The following VEGFC variants were observed in gnomAD, a reference collection of about 807,000 sequenced individuals.
VEGFC encodes vascular endothelial growth factor C.
Under a neutral mutation model 46.1 loss-of-function variants are expected in VEGFC, and 12 were observed. That is an observed-to-expected ratio of 0.26 (90% CI 0.17 to 0.42). The LOEUF (loss-of-function observed/expected upper bound fraction) is 0.42, where lower values mean the gene tolerates loss of function less well. VEGFC is among the 10% of genes least tolerant of loss of function. The pLI is 1.00. For synonymous variants in VEGFC, 232 were observed against 195.5 expected (o/e 1.19, Z -1.56); for missense variants, 488 against 529.4 (o/e 0.92, Z 0.77).
chr4:176,783,049 C>A (rs1024443475), intron 1 of VEGFC, among the ~76,000 whole-genome samples: 7 of 152,210 alleles, frequency 4.6e-5, no homozygotes, highest in Admixed American at 3.9e-4. Flanking sequence ...AGGGTAACCA[C>A]GCAAGTCACA....
chr4:176,687,976 A>T (rs1734076696), intron 4 of VEGFC, 49 bp from the exon 5 acceptor site: 33 of 1,048,880 alleles, frequency 3.1e-5, no homozygotes, highest in Middle Eastern at 2.1e-4. Flanking sequence ...TGGTACCTAG[A>T]AGGGACCATC....
At chr4:176,700,067 A>T (rs560570645) in intron 4 of VEGFC, among the ~76,000 whole-genome samples, 1 of 152,338 alleles carries the variant, frequency 6.6e-6, no homozygotes, top group Admixed American at 6.5e-5. Flanking sequence ...CATAGTTGTA[A>T]CAATTTTGCC....
At chr4:176,763,276 G>C (rs548969795) in intron 1 of VEGFC, among the ~76,000 whole-genome samples, 1 of 151,964 alleles carries the variant, frequency 6.6e-6, no homozygotes, top group African/African-American at 2.4e-5. Context: ...CAAAAAGCAC[G>C]CCATTTCTAT....
At chr4:176,765,926 G>A (rs1256917245) in intron 1 of VEGFC, among the ~76,000 whole-genome samples, 1 of 151,784 alleles carries the variant, frequency 6.6e-6, no homozygotes, top group African/African-American at 2.4e-5. Context: ...GATTGATAGT[G>A]GATGTAATAA....
rs1369730008 is a variant in VEGFC, at chr4:176,792,597, A to T, written c.-286T>A. On this transcript the variant is annotated 5_prime_UTR_variant, in exon 1 of 7. Transcript: ENST00000618562. This position sits in a 1 kb window ranked among gnomAD's most constrained non-coding sequence, Gnocchi z 6.3. ...CCCGCATTCGGAGCCCGCGAGGTGAAGCGAGGGCGAGGGAGGACGCCGCCG... is the reference window on the plus strand; with the variant it reads ...CCCGCATTCGGAGCCCGCGAGGTGATGCGAGGGCGAGGGAGGACGCCGCCG... 1 of 309,744 alleles carries T rather than the reference A, an allele frequency of 3.2e-6. No individual in the cohort carries two copies. The highest frequency in any genetic ancestry group is 5.5e-5 in the East Asian group (1 of 18,140). The allele number at this position is 309,744 out of a possible 1,614,324, so 19.2% of individuals were successfully genotyped here. A position where few individuals can be genotyped will look rare whatever the true frequency, so the allele number is the denominator to read the frequency against.
intron 1 of VEGFC, among the ~76,000 whole-genome samples, chr4:176,733,090 T>A (rs1734995411): frequency 6.6e-6 from 1 of 151,604 alleles, no homozygotes; most frequent in Non-Finnish European, 1.5e-5. Context: ...CCCATTAGAG[T>A]GGATAAAATT....
chr4:176,688,076 C>T (rs899554651), intron 4 of VEGFC, 149 bp from the exon 5 acceptor site: 56 of 536,568 alleles, frequency 1.0e-4, no homozygotes, highest in Non-Finnish European at 1.6e-4. Flanking sequence ...TTCTCCCAAA[C>T]TCTCTCTACC....
At chr4:176,704,863 G>C (rs1231059989) in intron 4 of VEGFC, among the ~76,000 whole-genome samples, 1 of 152,094 alleles carries the variant, frequency 6.6e-6, no homozygotes, top group Non-Finnish European at 1.5e-5. Flanking sequence ...TCTCCAAGAT[G>C]CTTCCTCACC....
Position 176,687,470 on chromosome 4 carries a change from C to T in VEGFC, c.862G>A (p.Glu288Lys), listed in dbSNP as rs768075524. ...DICGPNKELD[E>K]ETCQCVCRAG... ...CTGCAGACACACTGACAGGTCTCTT[C>T]ATCCAGCTCCTTGTTTGGTCCACAG... Residue 288 changes from glutamate (E) to lysine (K), a missense_variant, in exon 6 of 7, where the codon GAA (glutamate) becomes AAA (lysine). Coordinates refer to ENST00000618562, the MANE Select transcript of VEGFC (RefSeq NM_005429.5). 1.9e-6 allele frequency: 3 copies of T among 1,613,522 alleles called. No individual in the cohort carries two copies. Among genetic ancestry groups the T allele is most frequent in the Non-Finnish European group, 2.5e-6 (3 of 1,179,754 alleles).
At chr4:176,725,273 C>A (rs998032877) in intron 3 of VEGFC, among the ~76,000 whole-genome samples, 9 of 152,042 alleles carry the variant, frequency 5.9e-5, no homozygotes, top group Admixed American at 1.3e-4. Context: ...CACTGAAAGG[C>A]CTTTATGCTG....
chr4:176,692,797 T>C (rs59660429), intron 4 of VEGFC, among the ~76,000 whole-genome samples: 15,999 of 133,042 alleles, frequency 0.12, 1,429 homozygotes, highest in African/African-American at 0.24. Context: ...GGCAGACTGC[T>C]TCCTCAAGTG....
chr4:176,696,306 G>A (rs1734312542), intron 4 of VEGFC, among the ~76,000 whole-genome samples: 2 of 152,120 alleles, frequency 1.3e-5, no homozygotes, highest in East Asian at 1.9e-4. Context: ...CAAAATCAAT[G>A]TACAAAAATC....
At chr4:176,724,336 G>A (rs1734838759) in intron 3 of VEGFC, among the ~76,000 whole-genome samples, 1 of 152,148 alleles carries the variant, frequency 6.6e-6, no homozygotes, top group Non-Finnish European at 1.5e-5. Context: ...CAGTTTTTAT[G>A]TGATACTAAA....
intron 6 of VEGFC, among the ~76,000 whole-genome samples, chr4:176,685,099 A>C (rs1018786129): frequency 6.6e-6 from 1 of 152,212 alleles, no homozygotes; most frequent in African/African-American, 2.4e-5. Flanking sequence ...GTGTAAAGGG[A>C]AAAGTGCAAG....
At chr4:176,785,897 T>A (rs1735994643) in intron 1 of VEGFC, among the ~76,000 whole-genome samples, 1 of 152,214 alleles carries the variant, frequency 6.6e-6, no homozygotes, top group Non-Finnish European at 1.5e-5. Context: ...TCGTTTGGAA[T>A]GCAAACCATA....
intron 1 of VEGFC, among the ~76,000 whole-genome samples, chr4:176,773,493 C>G (rs973752280): frequency 1.3e-5 from 2 of 152,060 alleles, no homozygotes; most frequent in Admixed American, 1.3e-4. Context: ...ACAATTTGAT[C>G]ATACCTATAA....
At chr4:176,686,618 C>T (rs1734047088) in intron 6 of VEGFC, among the ~76,000 whole-genome samples, 1 of 152,054 alleles carries the variant, frequency 6.6e-6, no homozygotes, top group Non-Finnish European at 1.5e-5. Context: ...TCGGGATTAA[C>T]ACTGAATGTG....
intron 3 of VEGFC, among the ~76,000 whole-genome samples, chr4:176,714,683 C>T (rs1462919192): frequency 6.6e-6 from 1 of 152,170 alleles, no homozygotes; most frequent in African/African-American, 2.4e-5. Flanking sequence ...GATGGCTGCC[C>T]TTCCAGATTC....
chr4:176,778,166 G>A (rs17063742), intron 1 of VEGFC, among the ~76,000 whole-genome samples: 16,651 of 151,966 alleles, frequency 0.11, 2,268 homozygotes, highest in African/African-American at 0.32. Context: ...TTGAATCAGA[G>A]TAAAGCATAA....
Sources: allele counts gnomAD v4.1 joint callset (sites outside exome capture counted in the v4.1 genomes callset), GRCh38; gene constraint gnomAD v4.1.1; non-coding constraint Gnocchi (gnomAD v3.1); transcripts MANE v1.5; gene names NCBI Gene and HGNC (gene_info 2026-07-23, HGNC 2026-07-21).